The following DNAH7 variants were observed in gnomAD, a reference collection of about 807,000 sequenced individuals.
DNAH7 encodes the protein dynein axonemal heavy chain 7, also known as axonemal beta dynein heavy chain 7.
A neutral mutation model predicts 444.6 loss-of-function variants in DNAH7; 397 were observed. The observed-to-expected ratio is 0.89, with a 90% CI of 0.82 to 0.97. The LOEUF (loss-of-function observed/expected upper bound fraction) is 0.97, where lower values mean the gene tolerates loss of function less well. Among genes scored for constraint, DNAH7 ranks in the 50% least tolerant of loss-of-function variants. DNAH7 has a pLI of 0.00. For synonymous variants in DNAH7, 1,636 were observed against 1,624.4 expected (o/e 1.01, Z -0.17); for missense variants, 4,902 against 4,800.8 (o/e 1.02, Z -0.62).
At chr2:195,822,631 A>G (rs1259403800) in intron 49 of DNAH7, among the ~76,000 whole-genome samples, 1 of 152,204 alleles carries the variant, frequency 6.6e-6, no homozygotes, top group African/African-American at 2.4e-5. Flanking sequence ...TAATAAAGCA[A>G]TAAGACACTC....
At chr2:196,049,849 A>C (rs539354409) in intron 3 of DNAH7, among the ~76,000 whole-genome samples, 2 of 152,344 alleles carry the variant, frequency 1.3e-5, no homozygotes, top group Admixed American at 1.3e-4. Flanking sequence ...CTACATCTGT[A>C]AACTAACAAT....
chr2:196,029,494 C>T (rs1303534074), intron 5 of DNAH7, among the ~76,000 whole-genome samples: 1 of 151,708 alleles, frequency 6.6e-6, no homozygotes, highest in Non-Finnish European at 1.5e-5. Flanking sequence ...CATTCTAGGG[C>T]CAGCAATTAC....
chr2:195,901,213 TA>T (rs1381071946), intron 27 of DNAH7: 1 of 152,072 alleles, frequency 6.6e-6, no homozygotes, highest in Non-Finnish European at 1.5e-5. Context: ...TTGGCTTGAT[TA>T]GGGGTATTGT....
intron 58 of DNAH7, among the ~76,000 whole-genome samples, chr2:195,783,078 C>A (rs1461254150): frequency 6.6e-6 from 1 of 152,144 alleles, no homozygotes; most frequent in Non-Finnish European, 1.5e-5. Flanking sequence ...GGTTCTATTC[C>A]CTGTCTGGAT....
Position 195,858,809 on chromosome 2 carries a change from A to T in DNAH7, c.7737-5T>A, listed in dbSNP as rs766212912. 2 of 1,597,490 alleles carry T rather than the reference A, an allele frequency of 1.3e-6. No homozygotes were observed. Among genetic ancestry groups the T allele is most frequent in the South Asian group, 2.3e-5 (2 of 88,248 alleles). On this transcript the variant is annotated splice_polypyrimidine_tract_variant and splice_region_variant and intron_variant, in intron 42 of 64. Coordinates refer to ENST00000312428, the MANE Select transcript of DNAH7 (RefSeq NM_018897.3). ...TTTTTCATTTTCATTACTTCACTGGAAGGAAATAGATAAAACAAAGTTAAT... is the reference window on the plus strand; with the variant it reads ...TTTTTCATTTTCATTACTTCACTGGTAGGAAATAGATAAAACAAAGTTAAT...
intron 46 of DNAH7, among the ~76,000 whole-genome samples, chr2:195,848,858 T>C (rs537791164): frequency 6.6e-6 from 1 of 152,136 alleles, no homozygotes. Flanking sequence ...GTAAAGAAAA[T>C]GGTTGGGGTG....
intron 24 of DNAH7, among the ~76,000 whole-genome samples, chr2:195,911,153 A>G (rs1021336458): frequency 1.3e-5 from 2 of 152,190 alleles, no homozygotes; most frequent in African/African-American, 4.8e-5. Context: ...GCAATGGACA[A>G]AGAGTGTTAT....
intron 37 of DNAH7, 83 bp downstream of exon 37, chr2:195,876,461 C>A (rs1239874987): frequency 1.5e-6 from 2 of 1,331,436 alleles, no homozygotes; most frequent in African/African-American, 3.0e-5. Context: ...AAAAAGATGT[C>A]TCTCCCCAGG....
Position 195,909,305 on chromosome 2 carries a change from T to C in DNAH7, c.4104+722A>G, listed in dbSNP as rs142171226. Among the ~76,000 whole-genome samples the C allele has an allele frequency of 6.6e-5, 10 of 152,222 alleles. No homozygotes were observed. The South Asian group carries it at 1.9e-3, about 28-fold the overall frequency. ...AATTACAGAAAAACATAAATAAATA[T>C]ATAATTTCAAGTGGATCATTTTGTG... On this transcript the variant is annotated intron_variant, in intron 25 of 64. Coordinates refer to ENST00000312428, the MANE Select transcript of DNAH7 (RefSeq NM_018897.3).
chr2:195,774,419 G>C (rs377494666), intron 60 of DNAH7, among the ~76,000 whole-genome samples: 7 of 152,204 alleles, frequency 4.6e-5, no homozygotes, highest in Non-Finnish European at 1.0e-4. Context: ...ACCAGAGATA[G>C]GAGTTCCATG....
chr2:195,982,155 T>C (rs1692617634), intron 15 of DNAH7, among the ~76,000 whole-genome samples: 1 of 152,072 alleles, frequency 6.6e-6, no homozygotes, highest in Admixed American at 6.5e-5. Flanking sequence ...AATAATCTGA[T>C]GAAAAAGTGG....
chr2:195,902,612 G>A (rs1318808477), intron 27 of DNAH7: 1 of 152,120 alleles, frequency 6.6e-6, no homozygotes, highest in Non-Finnish European at 1.5e-5. Context: ...GACCACCCTA[G>A]TTACTTCACA....
At chr2:195,967,953 C>A (rs1230428749) in intron 17 of DNAH7, among the ~76,000 whole-genome samples, 2 of 152,228 alleles carry the variant, frequency 1.3e-5, no homozygotes, top group Non-Finnish European at 2.9e-5. Context: ...ACCCTTCCCT[C>A]CTCTTTCCAC....
rs767510882 is a variant in DNAH7 at position 196,019,303 on chromosome 2, CAAAG to C, written c.744-12_744-9del. The C allele has an allele frequency of 1.4e-5, 20 of 1,455,320 alleles. No individual in the cohort carries two copies. The highest frequency in any genetic ancestry group is 1.8e-5 in the Non-Finnish European group (20 of 1,086,804). The allele number at this position is 1,455,320 out of a possible 1,614,324, so 90.2% of individuals were successfully genotyped here. On this transcript the variant is annotated splice_polypyrimidine_tract_variant and intron_variant, in intron 8 of 64. Transcript: ENST00000312428. Reference sequence around the variant, plus strand: ...TTTGGCAGAATTTCCATTCTGAAAACAAAGAAAATATTTAGTTACAGTCTCAAAA... The same window carrying C: ...TTTGGCAGAATTTCCATTCTGAAAACAAAATATTTAGTTACAGTCTCAAAA...
chr2:195,888,473 C>T (rs1344803214), intron 32 of DNAH7, 39 bp from the exon 33 acceptor site: 1 of 1,539,664 alleles, frequency 6.5e-7, no homozygotes, highest in Admixed American at 2.4e-5. Flanking sequence ...GGTAATAATG[C>T]TTATAAAATA....
At chr2:195,741,010 C>T (rs1350378167) in intron 63 of DNAH7, 141 bp from the exon 64 acceptor site, 1 of 360,140 alleles carries the variant, frequency 2.8e-6, no homozygotes, top group Non-Finnish European at 5.1e-6. Context: ...TGAAAGCAAT[C>T]TCCTGAGTGT....
intron 48 of DNAH7, among the ~76,000 whole-genome samples, chr2:195,832,275 T>C (rs1698112776): frequency 6.6e-6 from 1 of 152,156 alleles, no homozygotes; most frequent in Non-Finnish European, 1.5e-5. Context: ...ACATCAAGAT[T>C]TGTGACTGAC....
chr2:195,982,259 C>T (rs945502317), intron 15 of DNAH7, among the ~76,000 whole-genome samples: 1 of 152,114 alleles, frequency 6.6e-6, no homozygotes, highest in South Asian at 2.1e-4. Context: ...CAGAGAAATG[C>T]AAATCAAAAC....
At chr2:195,958,645 G>A (rs1690862583) in intron 18 of DNAH7, among the ~76,000 whole-genome samples, 1 of 152,076 alleles carries the variant, frequency 6.6e-6, no homozygotes, top group African/African-American at 2.4e-5. Flanking sequence ...TTTACAATAG[G>A]TTATCAGTTT....
Sources: allele counts gnomAD v4.1 joint callset (sites outside exome capture counted in the v4.1 genomes callset), GRCh38; gene constraint gnomAD v4.1.1; transcripts MANE v1.5; gene names NCBI Gene and HGNC (gene_info 2026-07-23, HGNC 2026-07-21).